CSMD1: variants seen among roughly 807,000 people sequenced by gnomAD.
CSMD1 encodes the protein CUB and sushi domain-containing protein 1.
CSMD1 carries 213 observed loss-of-function variants against 417.5 expected under a neutral mutation model. The ratio of observed to expected loss-of-function variants is 0.51; its 90% CI spans 0.46 to 0.57. The LOEUF is 0.57. Ranked by LOEUF, CSMD1 falls within the 20% of genes least tolerant of loss-of-function variation. The pLI, the probability that CSMD1 is intolerant of heterozygous loss-of-function variation, is 0.00. For missense variants in CSMD1, 6,923 were observed against 4,529.7 expected (o/e 1.53, Z -15.17); for synonymous variants, 2,862 against 1,736.8 (o/e 1.65, Z -16.11).
At chr8:3,414,452 C>T (rs905802559) in intron 12 of CSMD1, among the ~76,000 whole-genome samples, 1 of 152,132 alleles carries the variant, frequency 6.6e-6, no homozygotes, top group African/African-American at 2.4e-5. Flanking sequence ...TGTTGTGCCT[C>T]AGTTCAGGTT....
chr8:3,100,353 T>A (rs185976017), intron 46 of CSMD1, among the ~76,000 whole-genome samples: 17 of 152,344 alleles, frequency 1.1e-4, no homozygotes, highest in African/African-American at 3.8e-4. Context: ...TGTTTACCCA[T>A]GAGCGAAAGT....
intron 3 of CSMD1, among the ~76,000 whole-genome samples, chr8:4,045,596 G>C (rs1489473354): frequency 1.3e-5 from 2 of 152,168 alleles, no homozygotes; most frequent in South Asian, 2.1e-4. Context: ...AGAAACTCAA[G>C]AATGTTCCTG....
At chr8:3,904,011 G>A (rs965163222) in intron 5 of CSMD1, among the ~76,000 whole-genome samples, 3 of 151,308 alleles carry the variant, frequency 2.0e-5, no homozygotes, top group African/African-American at 7.4e-5. Flanking sequence ...CGTCCTATCT[G>A]CCTATCTAGG....
chr8:3,908,124 G>C (rs528834215), intron 5 of CSMD1, among the ~76,000 whole-genome samples: 5 of 152,110 alleles, frequency 3.3e-5, no homozygotes, highest in African/African-American at 9.7e-5. Flanking sequence ...GCCCCTCTGA[G>C]AATAACAAAT....
chr8:4,365,839 C>T (rs1249547909), intron 3 of CSMD1, among the ~76,000 whole-genome samples: 1 of 152,134 alleles, frequency 6.6e-6, no homozygotes, highest in African/African-American at 2.4e-5. Flanking sequence ...CTAGATTCCA[C>T]CAAGGAAACA....
At chr8:4,303,730 A>AC (rs1798106228) in intron 3 of CSMD1, among the ~76,000 whole-genome samples, 1 of 151,590 alleles carries the variant, frequency 6.6e-6, no homozygotes, top group Non-Finnish European at 1.5e-5. Flanking sequence ...ATCTTGGCTC[A>AC]CCCCAACCTC....
intron 5 of CSMD1, among the ~76,000 whole-genome samples, chr8:3,844,672 C>T (rs1189820798): frequency 1.3e-5 from 2 of 152,110 alleles, no homozygotes; most frequent in African/African-American, 4.8e-5. Flanking sequence ...TATTTGAATT[C>T]ATCATTGTCG....
intron 3 of CSMD1, among the ~76,000 whole-genome samples, chr8:4,198,372 C>A (rs530447940): frequency 1.3e-5 from 2 of 152,302 alleles, no homozygotes; most frequent in African/African-American, 4.8e-5. Flanking sequence ...TGAACTTTGT[C>A]CTACACTGTG....
At chr8:4,609,566 G>T (rs996544958) in intron 2 of CSMD1, among the ~76,000 whole-genome samples, 9 of 152,150 alleles carry the variant, frequency 5.9e-5, no homozygotes, top group Admixed American at 6.5e-5. Flanking sequence ...GTACAAAAGT[G>T]AGCAGAATAA....
intron 6 of CSMD1, among the ~76,000 whole-genome samples, chr8:3,728,218 G>A (rs563787805): frequency 2.0e-5 from 3 of 152,118 alleles, no homozygotes; most frequent in African/African-American, 7.2e-5. Context: ...TGATCTGATG[G>A]TTTTACAAAG....
At chr8:4,987,173 A>T (rs1293449815) in intron 1 of CSMD1, among the ~76,000 whole-genome samples, 1 of 152,226 alleles carries the variant, frequency 6.6e-6, no homozygotes, top group Non-Finnish European at 1.5e-5. Context: ...TAGAAAATAA[A>T]TAGATTTCTA....
chr8:4,138,125 C>T (rs1443520179), intron 3 of CSMD1, among the ~76,000 whole-genome samples: 2 of 129,938 alleles, frequency 1.5e-5, no homozygotes, highest in East Asian at 4.9e-4. Flanking sequence ...CCGTGTTACC[C>T]AGGATGGTCT....
Position 4,020,554 on chromosome 8 carries a change from A to T in CSMD1, c.610+11351T>A, listed in dbSNP as rs75588264. Among the ~76,000 whole-genome samples the T allele has an allele frequency of 7.0e-3, 1,059 of 152,288 alleles. 58 individuals are homozygous for T. In the East Asian group the frequency reaches 0.14, roughly 20 times the overall value. On this transcript the variant is annotated intron_variant, in intron 4 of 69. Transcript: ENST00000635120. ...AACATCTCAGATAAGAAGAATACATAACCAAGATGGAGAAGTCTGAGAAAG... is the reference window on the plus strand; with the variant it reads ...AACATCTCAGATAAGAAGAATACATTACCAAGATGGAGAAGTCTGAGAAAG...
At chr8:3,396,119 G>T in intron 17 of CSMD1, 75 bp downstream of exon 17, 3 of 1,309,888 alleles carry the variant, frequency 2.3e-6, no homozygotes. Flanking sequence ...TCTGCAGGCT[G>T]GAAATAAGAA....
chr8:3,937,252 C>A (rs1270660128), intron 5 of CSMD1, among the ~76,000 whole-genome samples: 1 of 151,946 alleles, frequency 6.6e-6, no homozygotes, highest in Admixed American at 6.6e-5. Context: ...AATAAAGCAG[C>A]AGCAGGGTTA....
intron 3 of CSMD1, among the ~76,000 whole-genome samples, chr8:4,129,847 G>C (rs1261063086): frequency 6.6e-6 from 1 of 151,944 alleles, no homozygotes; most frequent in Admixed American, 6.6e-5. Flanking sequence ...TTTCCTAGAT[G>C]GTTCCTGCTT....
chr8:3,139,067 G>C (rs1818282609), intron 41 of CSMD1, among the ~76,000 whole-genome samples: 1 of 152,140 alleles, frequency 6.6e-6, no homozygotes. Context: ...TAGTGAGATG[G>C]GGGCACTGGA....
At chr8:3,894,697 C>T (rs987996106) in intron 5 of CSMD1, among the ~76,000 whole-genome samples, 9 of 152,042 alleles carry the variant, frequency 5.9e-5, no homozygotes, top group African/African-American at 1.9e-4. Context: ...ATCCTTTTTC[C>T]TGCCTCCAAC....
In CSMD1 at chr8:3,141,435, C is replaced by T. The variant is rs186014176; in HGVS notation, c.6241+1030G>A. Reference sequence around the variant, plus strand: ...AACAAAATTGATCATGGCCCTTTCCCGAAAAGACCCCCTTCTTGCCTGGGG... The same window carrying T: ...AACAAAATTGATCATGGCCCTTTCCTGAAAAGACCCCCTTCTTGCCTGGGG... On this transcript the variant is annotated intron_variant, in intron 41 of 69. Coordinates refer to ENST00000635120, the MANE Select transcript of CSMD1 (RefSeq NM_033225.6). Among the ~76,000 whole-genome samples the T allele has an allele frequency of 7.6e-3, 1,154 of 152,188 alleles. 10 individuals are homozygous for T. The highest frequency in any genetic ancestry group is 0.022 in the South Asian group (104 of 4,812).
Sources: gnomAD v4.1 joint callset for allele counts (sites outside exome capture counted in the v4.1 genomes callset) on GRCh38, gnomAD v4.1.1 for gene constraint, MANE v1.5 for transcripts, NCBI Gene and HGNC (gene_info 2026-07-23, HGNC 2026-07-21) for gene names.